FRMD4A: variants seen among roughly 807,000 people sequenced by gnomAD.
FRMD4A encodes the protein FERM domain-containing protein 4A.
FRMD4A carries 29 observed loss-of-function variants against 129.1 expected under a neutral mutation model. The observed-to-expected ratio is 0.22, with a 90% confidence interval of 0.17 to 0.31. FRMD4A has a LOEUF of 0.31. Among genes scored for constraint, FRMD4A ranks in the 10% least tolerant of loss-of-function variants. The probability of loss-of-function intolerance (pLI) is 1.00; values close to 1 mark genes in which losing one functional copy is unlikely to be tolerated. For missense variants in FRMD4A, 1,272 were observed against 1,375.8 expected (o/e 0.92, Z 1.19); for synonymous variants, 634 against 571.6 (o/e 1.11, Z -1.56).
At chr10:13,811,149 T>A (rs1187361122) in intron 3 of FRMD4A, among the ~76,000 whole-genome samples, 3 of 151,558 alleles carry the variant, frequency 2.0e-5, no homozygotes, top group East Asian at 1.9e-4. Context: ...TTTTTTTTTT[T>A]AATTGAGATG....
intron 2 of FRMD4A, among the ~76,000 whole-genome samples, chr10:13,900,176 C>T (rs887564249): frequency 8.5e-5 from 13 of 152,188 alleles, no homozygotes; most frequent in Non-Finnish European, 1.8e-4. Context: ...ATTCCGTCTC[C>T]TGTCATGTGT....
At chr10:14,305,169 G>C (rs1846308007) in intron 2 of FRMD4A, among the ~76,000 whole-genome samples, 1 of 152,192 alleles carries the variant, frequency 6.6e-6, no homozygotes, top group Admixed American at 6.5e-5. Context: ...AGTGTGAAAA[G>C]CAGTTAGTGA....
chr10:13,883,455 G>A (rs866417635), intron 2 of FRMD4A, among the ~76,000 whole-genome samples: 49 of 152,252 alleles, frequency 3.2e-4, no homozygotes, highest in African/African-American at 1.0e-3. Context: ...TTGCACCACT[G>A]CACTCCAGCC....
intron 2 of FRMD4A, among the ~76,000 whole-genome samples, chr10:14,224,828 T>C (rs1843382683): frequency 1.3e-5 from 2 of 152,216 alleles, no homozygotes; most frequent in South Asian, 4.1e-4. Context: ...GCCTCAAGTT[T>C]TGTCAACTTT....
At chr10:14,227,082 A>G (rs1004186131) in intron 2 of FRMD4A, among the ~76,000 whole-genome samples, 1 of 152,036 alleles carries the variant, frequency 6.6e-6, no homozygotes, top group African/African-American at 2.4e-5. Flanking sequence ...CATGCCCGCA[A>G]GATGGATCTA....
intron 2 of FRMD4A, among the ~76,000 whole-genome samples, chr10:14,089,346 C>G (rs923446237): frequency 6.6e-6 from 1 of 152,116 alleles, no homozygotes; most frequent in Non-Finnish European, 1.5e-5. Context: ...CCCAGCCCAC[C>G]AGCCCCGCAG....
At chr10:13,800,351 A>C (rs1564824540) in intron 4 of FRMD4A, among the ~76,000 whole-genome samples, 1 of 152,224 alleles carries the variant, frequency 6.6e-6, no homozygotes, top group Non-Finnish European at 1.5e-5. Flanking sequence ...CAAGCCATCC[A>C]ATGACAATGT....
intron 2 of FRMD4A, among the ~76,000 whole-genome samples, chr10:14,303,811 G>A (rs1846261688): frequency 6.6e-6 from 1 of 151,950 alleles, no homozygotes; most frequent in Non-Finnish European, 1.5e-5. Context: ...CTGTCTCTAT[G>A]GTTTATTATT....
chr10:13,909,854 C>T (rs997750789), intron 2 of FRMD4A, among the ~76,000 whole-genome samples: 1 of 152,194 alleles, frequency 6.6e-6, no homozygotes, highest in Non-Finnish European at 1.5e-5. Context: ...AAACATGCAA[C>T]TCATGTCAAA....
At chr10:14,057,894 T>C (rs1355530264) in intron 2 of FRMD4A, among the ~76,000 whole-genome samples, 1 of 152,222 alleles carries the variant, frequency 6.6e-6, no homozygotes, top group East Asian at 1.9e-4. Context: ...TCACTGGTTG[T>C]GTCGGTTTCT....
intron 14 of FRMD4A, among the ~76,000 whole-genome samples, chr10:13,699,236 T>TGTCTGTTTG (rs56671340): frequency 4.2e-5 from 6 of 142,092 alleles, no homozygotes; most frequent in Non-Finnish European, 7.6e-5. Flanking sequence ...TTTTTTTTTT[T>TGTCTGTTTG]TTTTTTTTTT....
intron 2 of FRMD4A, among the ~76,000 whole-genome samples, chr10:14,127,959 T>TTTCC (rs1838959749): frequency 6.4e-5 from 2 of 31,418 alleles, no homozygotes; most frequent in Non-Finnish European, 5.9e-5. Context: ...TCTTTCTTTC[T>TTTCC]TTCTTTCTTT....
intron 2 of FRMD4A, among the ~76,000 whole-genome samples, chr10:14,286,584 A>G (rs1412336716): frequency 6.6e-6 from 1 of 152,228 alleles, no homozygotes; most frequent in Non-Finnish European, 1.5e-5. Flanking sequence ...TCAGTATCTA[A>G]TAACACCCTG....
At chr10:13,793,065 A>C (rs2093038022) in intron 5 of FRMD4A, among the ~76,000 whole-genome samples, 1 of 152,242 alleles carries the variant, frequency 6.6e-6, no homozygotes, top group African/African-American at 2.4e-5. Context: ...ATCCCAAATA[A>C]TAGCCCAACC....
intron 3 of FRMD4A, among the ~76,000 whole-genome samples, chr10:13,843,778 C>T (rs7080257): frequency 0.18 from 27,357 of 152,160 alleles, 2,731 homozygotes; most frequent in South Asian, 0.28. Flanking sequence ...GAATTACAGG[C>T]GTGAGCCACT....
chr10:13,705,007 G>C (rs1409325), intron 13 of FRMD4A, among the ~76,000 whole-genome samples: 16,337 of 152,198 alleles, frequency 0.11, 960 homozygotes, highest in South Asian at 0.22. Context: ...CTGGAAGGTG[G>C]AGGCTGCAGT....
intron 12 of FRMD4A, among the ~76,000 whole-genome samples, chr10:13,736,375 T>C (rs755868341): frequency 2.6e-5 from 4 of 152,072 alleles, no homozygotes; most frequent in Non-Finnish European, 5.9e-5. Context: ...GTCCAATTCA[T>C]TTCTTGTTGC....
At chr10:13,688,784 G>C (rs546402396) in intron 15 of FRMD4A, among the ~76,000 whole-genome samples, 49 of 152,192 alleles carry the variant, frequency 3.2e-4, no homozygotes, top group African/African-American at 1.2e-3. Context: ...TGTAATTTCA[G>C]CTCACTGCAA....
intron 3 of FRMD4A, among the ~76,000 whole-genome samples, chr10:13,851,208 C>T (rs551880373): frequency 7.1e-4 from 108 of 152,094 alleles, no homozygotes; most frequent in Middle Eastern, 3.4e-3. Flanking sequence ...AGTGAGACTT[C>T]GTCTCAAAAC....
Sources: allele counts gnomAD v4.1 joint callset (sites outside exome capture counted in the v4.1 genomes callset), GRCh38; gene constraint gnomAD v4.1.1; transcripts MANE v1.5; gene names NCBI Gene and HGNC (gene_info 2026-07-23, HGNC 2026-07-21).